Variants in OR4X1 observed in about 807,000 individuals in gnomAD.
OR4X1 encodes the protein olfactory receptor family 4 subfamily X member 1.
For synonymous variants in OR4X1, 183 were observed against 142.6 expected, an observed-to-expected ratio of 1.28 and a Z score of -2.02; for missense variants, 509 against 368.1, an observed-to-expected ratio of 1.38 and a Z score of -3.13.
Position 48,264,649 on chromosome 11 carries a change from C to A in OR4X1, c.789C>A (p.Leu263=). The part of the protein sequence containing the change: ...SLVYIRPCVT[L]PADKIVAVFY... ...TCTATATTAGGCCCTGTGTCACCCT[C>A]CCTGCAGACAAGATAGTTGCTGTAT... Residue 263 remains leucine, a synonymous_variant, in exon 1 of 1, where the codon CTC becomes CTA. Coordinates refer to ENST00000320048, the MANE Select transcript of OR4X1 (RefSeq NM_001004726.1). 6.2e-7 allele frequency: 1 copy of A among 1,614,038 alleles called. No homozygotes were observed. The highest frequency in any genetic ancestry group is 2.2e-5 in the East Asian group (1 of 44,874).
rs200759142 is a variant in OR4X1 at position 48,264,556 on chromosome 11, C to G, written c.696C>G (p.His232Gln). ...GAAGCCACAACTTGGAGGGGCAGCA[C>G]AAGGCCCTCTCCACCTGTGCCTCTC... ...FLRSHNLEGQ[H>Q]KALSTCASHV... Residue 232 changes from histidine to glutamine, a missense_variant, in exon 1 of 1, where the codon CAC becomes CAG. Physicochemically the swap from His to Gln is conservative, Grantham distance 24 (BLOSUM62 0). Coordinates refer to ENST00000320048, the MANE Select transcript of OR4X1 (RefSeq NM_001004726.1). 1.9e-6 allele frequency: 3 copies of G among 1,613,928 alleles called. No individual in the cohort carries two copies. The highest frequency in any genetic ancestry group is 2.5e-6 in the Non-Finnish European group (3 of 1,179,924).
chr11:48,264,235 C>G lies in OR4X1; in HGVS notation c.375C>G (p.Cys125Trp). The G allele has an allele frequency of 6.2e-7, 1 of 1,614,132 alleles. No individual in the cohort carries two copies. Among genetic ancestry groups the G allele is most frequent in the African/African-American group, 1.3e-5 (1 of 75,026 alleles). ...CCTATGACCGCTATGTGGCCATCTGCAAGCCCTTGCACTACATGGCCATCA... is the reference window on the plus strand; with the variant it reads ...CCTATGACCGCTATGTGGCCATCTGGAAGCCCTTGCACTACATGGCCATCA... ...VMAYDRYVAI[C>W]KPLHYMAIMN... Residue 125 changes from cysteine (C) to tryptophan (W), a missense_variant, in exon 1 of 1, where the codon TGC (cysteine) becomes TGG (tryptophan). Coordinates refer to ENST00000320048, the MANE Select transcript of OR4X1 (RefSeq NM_001004726.1).
Position 48,264,493 on chromosome 11 carries a change from G to T in OR4X1, c.633G>T (p.Val211=). 6.2e-7 allele frequency: 1 copy of T among 1,614,030 alleles called. No homozygotes were observed. Among genetic ancestry groups the T allele is most frequent in the Non-Finnish European group, 8.5e-7 (1 of 1,179,992 alleles). ...CCATCTCCGTAGTCAGTTTCTTCGT[G>T]CTGATGGCTTCCTACCTGATCATCC... ...GGSISVVSFF[V]LMASYLIILH... is the part of the protein sequence containing the mutation. The change falls in exon 1 of 1, where the codon GTG becomes GTT. Residue 211 remains valine (V), a synonymous_variant. Coordinates refer to ENST00000320048, the MANE Select transcript of OR4X1 (RefSeq NM_001004726.1).
In OR4X1 at chr11:48,264,287, G is replaced by T. The variant is rs141012609; in HGVS notation, c.427G>T (p.Val143Leu). 2.5e-6 allele frequency: 4 copies of T among 1,613,920 alleles called. No homozygotes were observed. The highest frequency in any genetic ancestry group is 3.4e-6 in the Non-Finnish European group (4 of 1,180,006). Residue 143 changes from valine (V) to leucine (L), a missense_variant, in exon 1 of 1, where the codon GTG becomes TTG. By Grantham distance (32) the Val-to-Leu change is conservative. Transcript: ENST00000320048. ...IMNQRMCGLLVRIAWGGGLLH... is the reference protein window; with the variant it reads ...IMNQRMCGLLLRIAWGGGLLH... ...GAACCAGCGAATGTGTGGTCTCCTC[G>T]TGAGGATAGCATGGGGCGGGGGCCT...
rs373761212 is a variant in OR4X1, at chr11:48,264,324, T to G, written c.464T>G (p.Val155Gly). The G allele has an allele frequency of 6.2e-7, 1 of 1,614,016 alleles. No individual in the cohort carries two copies. The highest frequency in any genetic ancestry group is 8.5e-7 in the Non-Finnish European group (1 of 1,179,950). The change falls in exon 1 of 1, where the codon GTT (valine) becomes GGT (glycine). Residue 155 changes from valine to glycine, a missense_variant. Coordinates refer to ENST00000320048, the MANE Select transcript of OR4X1 (RefSeq NM_001004726.1). Reference sequence around the variant, plus strand: ...TGGGGCGGGGGCCTGCTGCATTCTGTTGGGCAAACCTTCCTGATTTTCCAG... The same window carrying G: ...TGGGGCGGGGGCCTGCTGCATTCTGGTGGGCAAACCTTCCTGATTTTCCAG... ...IAWGGGLLHSVGQTFLIFQLP... is the reference protein window; with the variant it reads ...IAWGGGLLHSGGQTFLIFQLP...
Position 48,264,230 on chromosome 11 carries a change from A to T in OR4X1, c.370A>T (p.Ile124Phe), listed in dbSNP as rs555443445. ...GATGGCCTATGACCGCTATGTGGCC[A>T]TCTGCAAGCCCTTGCACTACATGGC... is the stretch of plus-strand genomic sequence containing the variant. The part of the protein sequence containing the change: ...MVMAYDRYVA[I>F]CKPLHYMAIM... Residue 124 changes from isoleucine (I) to phenylalanine (F), a missense_variant, in exon 1 of 1, where the codon ATC becomes TTC. Physicochemically the swap from Ile to Phe is conservative, Grantham distance 21 (BLOSUM62 0). Coordinates refer to ENST00000320048, the MANE Select transcript of OR4X1 (RefSeq NM_001004726.1). The T allele has an allele frequency of 6.2e-7, 1 of 1,614,088 alleles. No individual in the cohort carries two copies. The highest frequency in any genetic ancestry group is 8.5e-7 in the Non-Finnish European group (1 of 1,180,000).
rs2134421921 is a variant in OR4X1, at chr11:48,264,438, T to G, written c.578T>G (p.Ile193Ser). The change falls in exon 1 of 1, where the codon ATT becomes AGT. Residue 193 changes from isoleucine to serine, a missense_variant. Transcript: ENST00000320048. ...LELACADTFF[I>S]SLLIITNGGS... ...CTGGCCTGCGCAGACACCTTCTTCA[T>G]TAGCCTGCTGATCATCACCAATGGC... 1 of 1,563,608 alleles carries G rather than the reference T, an allele frequency of 6.4e-7. No individual in the cohort carries two copies. Among genetic ancestry groups the G allele is most frequent in the East Asian group, 2.2e-5 (1 of 44,544 alleles).
rs1403442912 is a variant in OR4X1 at position 48,264,370 on chromosome 11, C to A, written c.510C>A (p.Asn170Lys). Residue 170 changes from asparagine to lysine, a missense_variant, in exon 1 of 1, where the codon AAC becomes AAA. Asn to Lys is a moderately conservative substitution (Grantham distance 94). Transcript: ENST00000320048. Reference protein sequence around the residue: ...LIFQLPFCGPNIMDHYFCDVH... With the variant: ...LIFQLPFCGPKIMDHYFCDVH... ...TCCAGCTCCCGTTCTGTGGCCCCAA[C>A]ATCATGGACCACTACTTCTGTGATG... 2 of 1,614,070 alleles carry A rather than the reference C, an allele frequency of 1.2e-6. No homozygotes were observed. Among genetic ancestry groups the A allele is most frequent in the Admixed American group, 3.3e-5 (2 of 60,022 alleles).
In OR4X1 at chr11:48,264,692, C is replaced by A. The variant is rs201987733; in HGVS notation, c.832C>A (p.Pro278Thr). 1.2e-6 allele frequency: 2 copies of A among 1,613,702 alleles called. No individual in the cohort carries two copies. The highest frequency in any genetic ancestry group is 1.7e-6 in the Non-Finnish European group (2 of 1,179,602). The stretch of plus-strand genomic sequence containing the variant: ...TGCTGTATTTTATACAGTGGTCACA[C>A]CTCTCTTAAACCCTGTGATTTACTC... Reference protein sequence around the residue: ...IVAVFYTVVTPLLNPVIYSFR... With the variant: ...IVAVFYTVVTTLLNPVIYSFR... Residue 278 changes from proline to threonine, a missense_variant, in exon 1 of 1, where the codon CCT becomes ACT. By Grantham distance (38) the Pro-to-Thr change is conservative. Coordinates refer to ENST00000320048, the MANE Select transcript of OR4X1 (RefSeq NM_001004726.1).
Position 48,263,996 on chromosome 11 carries a change from A to T in OR4X1, c.136A>T (p.Thr46Ser), listed in dbSNP as rs1180023483. ...VVLGNGLIVVTILASKVLTSP... is the reference protein window; with the variant it reads ...VVLGNGLIVVSILASKVLTSP... ...GCTGGGCAATGGCCTCATTGTGGTGACCATCCTGGCCAGCAAAGTGCTCAC... is the reference window on the plus strand; with the variant it reads ...GCTGGGCAATGGCCTCATTGTGGTGTCCATCCTGGCCAGCAAAGTGCTCAC... The change falls in exon 1 of 1, where the codon ACC (threonine) becomes TCC (serine). Residue 46 changes from threonine to serine, a missense_variant. Coordinates refer to ENST00000320048, the MANE Select transcript of OR4X1 (RefSeq NM_001004726.1). 2 of 1,613,846 alleles carry T rather than the reference A, an allele frequency of 1.2e-6. No individual in the cohort carries two copies. The highest frequency in any genetic ancestry group is 2.7e-5 in the African/African-American group (2 of 74,898).
At position 48,264,623 on chromosome 11, in the gene OR4X1, G is replaced by T. The variant is rs1170510489; in HGVS notation, c.763G>T (p.Val255Phe). 1 of 1,613,872 alleles carries T rather than the reference G, an allele frequency of 6.2e-7. No individual in the cohort carries two copies. Among genetic ancestry groups the T allele is most frequent in the African/African-American group, 1.3e-5 (1 of 74,866 alleles). ...VDLFFIPCSL[V>F]YIRPCVTLPA... The stretch of plus-strand genomic sequence containing the variant: ...CCTGTTCTTCATACCTTGCTCCTTG[G>T]TCTATATTAGGCCCTGTGTCACCCT... The change falls in exon 1 of 1, where the codon GTC (valine) becomes TTC (phenylalanine). Residue 255 changes from valine to phenylalanine, a missense_variant. Val to Phe is a conservative substitution (Grantham distance 50). Coordinates refer to ENST00000320048, the MANE Select transcript of OR4X1 (RefSeq NM_001004726.1).
rs117170323 is a variant in OR4X1 at position 48,264,653 on chromosome 11, G to C, written c.793G>C (p.Ala265Pro). ...VYIRPCVTLP[A>P]DKIVAVFYTV... ...TATTAGGCCCTGTGTCACCCTCCCT[G>C]CAGACAAGATAGTTGCTGTATTTTA... Residue 265 changes from alanine to proline, a missense_variant, in exon 1 of 1, where the codon GCA becomes CCA. Ala to Pro is a conservative substitution (Grantham distance 27). Transcript: ENST00000320048. 1 of 1,613,922 alleles carries C rather than the reference G, an allele frequency of 6.2e-7. No individual in the cohort carries two copies. Among genetic ancestry groups the C allele is most frequent in the Non-Finnish European group, 8.5e-7 (1 of 1,179,860 alleles).
In OR4X1 at chr11:48,264,012, A is replaced by T; in HGVS notation, c.152A>T (p.Lys51Ile). The change falls in exon 1 of 1, where the codon AAA becomes ATA. Residue 51 changes from lysine to isoleucine, a missense_variant. Coordinates refer to ENST00000320048, the MANE Select transcript of OR4X1 (RefSeq NM_001004726.1). The part of the protein sequence containing the change: ...GLIVVTILAS[K>I]VLTSPMYFFL... Reference sequence around the variant, plus strand: ...ATTGTGGTGACCATCCTGGCCAGCAAAGTGCTCACCTCCCCCATGTATTTC... The same window carrying T: ...ATTGTGGTGACCATCCTGGCCAGCATAGTGCTCACCTCCCCCATGTATTTC... 1 of 1,614,048 alleles carries T rather than the reference A, an allele frequency of 6.2e-7. No homozygotes were observed. Among genetic ancestry groups the T allele is most frequent in the Non-Finnish European group, 8.5e-7 (1 of 1,179,970 alleles).
rs1490159299 is a variant in OR4X1, at chr11:48,264,388, C to A, written c.528C>A (p.Phe176Leu). The A allele has an allele frequency of 1.9e-6, 3 of 1,613,770 alleles. No individual in the cohort carries two copies. Among genetic ancestry groups the A allele is most frequent in the Non-Finnish European group, 8.5e-7 (1 of 1,179,984 alleles). The change falls in exon 1 of 1, where the codon TTC (phenylalanine) becomes TTA (leucine). Residue 176 changes from phenylalanine to leucine, a missense_variant. Physicochemically the swap from Phe to Leu is conservative, Grantham distance 22. Transcript: ENST00000320048. ...GCCCCAACATCATGGACCACTACTT[C>A]TGTGATGTCCACCCAGTGCTGGAGC... ...FCGPNIMDHYFCDVHPVLELA... is the reference protein window; with the variant it reads ...FCGPNIMDHYLCDVHPVLELA...
chr11:48,264,570 C>T lies in OR4X1; in HGVS notation c.710C>T (p.Thr237Ile), dbSNP rs745942714. ...GAGGGGCAGCACAAGGCCCTCTCCA[C>T]CTGTGCCTCTCATGTCACAGTTGTC... ...NLEGQHKALS[T>I]CASHVTVVDL... The change falls in exon 1 of 1, where the codon ACC becomes ATC. Residue 237 changes from threonine (T) to isoleucine (I), a missense_variant. Physicochemically the swap from Thr to Ile is moderately conservative, Grantham distance 89 (BLOSUM62 -1). Transcript: ENST00000320048. 6.2e-7 allele frequency: 1 copy of T among 1,614,132 alleles called. No homozygotes were observed.
In OR4X1 at chr11:48,264,264, A is replaced by C. The variant is rs1334199917; in HGVS notation, c.404A>C (p.Asn135Thr). 6.2e-7 allele frequency: 1 copy of C among 1,614,044 alleles called. No individual in the cohort carries two copies. Among genetic ancestry groups the C allele is most frequent in the Non-Finnish European group, 8.5e-7 (1 of 1,179,998 alleles). The change falls in exon 1 of 1, where the codon AAC (asparagine) becomes ACC (threonine). Residue 135 changes from asparagine to threonine, a missense_variant. By Grantham distance (65) the Asn-to-Thr change is moderately conservative (BLOSUM62 0). Transcript: ENST00000320048. ...CCCTTGCACTACATGGCCATCATGA[A>C]CCAGCGAATGTGTGGTCTCCTCGTG... Reference protein sequence around the residue: ...CKPLHYMAIMNQRMCGLLVRI... With the variant: ...CKPLHYMAIMTQRMCGLLVRI...
chr11:48,264,398 C>T lies in OR4X1; in HGVS notation c.538C>T (p.His180Tyr), dbSNP rs373675006. Residue 180 changes from histidine to tyrosine, a missense_variant, in exon 1 of 1, where the codon CAC (histidine) becomes TAC (tyrosine). Transcript: ENST00000320048. ...CATGGACCACTACTTCTGTGATGTCCACCCAGTGCTGGAGCTGGCCTGCGC... is the reference window on the plus strand; with the variant it reads ...CATGGACCACTACTTCTGTGATGTCTACCCAGTGCTGGAGCTGGCCTGCGC... ...NIMDHYFCDV[H>Y]PVLELACADT... 4 of 1,612,964 alleles carry T rather than the reference C, an allele frequency of 2.5e-6. No homozygotes were observed. Among genetic ancestry groups the T allele is most frequent in the East Asian group, 2.2e-5 (1 of 44,720 alleles).
At position 48,264,172 on chromosome 11, in the gene OR4X1, C is replaced by G; in HGVS notation, c.312C>G (p.Phe104Leu). Residue 104 changes from phenylalanine to leucine, a missense_variant, in exon 1 of 1, where the codon TTC becomes TTG. Transcript: ENST00000320048. ...GCLTQMFSLHFFGGTEAFLLM... is the reference protein window; with the variant it reads ...GCLTQMFSLHLFGGTEAFLLM... ...TCACACAGATGTTTTCCCTCCATTT[C>G]TTTGGTGGCACTGAGGCCTTTCTCC... The G allele has an allele frequency of 6.2e-7, 1 of 1,614,098 alleles. No individual in the cohort carries two copies. Among genetic ancestry groups the G allele is most frequent in the Non-Finnish European group, 8.5e-7 (1 of 1,179,992 alleles).
chr11:48,264,767 AAAGTAATTTGAGAAGAG>A, exon 1 of OR4X1: 1 of 1,603,854 alleles, frequency 6.2e-7, no homozygotes. Flanking sequence ...TATTGGGGGA[AAAGTAATTTGAGAAGAG>A]AAGTAGATGA....
Sources: allele counts gnomAD v4.1 joint callset, GRCh38; gene constraint gnomAD v4.1.1; transcripts MANE v1.5; gene names NCBI Gene and HGNC (gene_info 2026-07-23, HGNC 2026-07-21).